The following FN1 variants were observed in gnomAD, a reference collection of about 807,000 sequenced individuals.
The protein encoded by FN1 is fibronectin 1, also known as fibronectin.
Under a neutral mutation model 297.3 loss-of-function variants are expected in FN1, and 106 were observed. The observed-to-expected ratio is 0.36, with a 90% confidence interval of 0.30 to 0.42. The LOEUF (loss-of-function observed/expected upper bound fraction) is 0.42, where lower values mean the gene tolerates loss of function less well. FN1 is among the 10% of genes least tolerant of loss of function. The pLI, the probability that FN1 is intolerant of heterozygous loss-of-function variation, is 1.00. For missense variants in FN1, 2,690 were observed against 3,124.9 expected, an observed-to-expected ratio of 0.86 and a Z score of 3.32; for synonymous variants, 1,149 against 1,152.6, an observed-to-expected ratio of 1.00 and a Z score of 0.06.
chr2:215,432,369 G>T (rs756751883), intron 3 of FN1, among the ~76,000 whole-genome samples: 1 of 152,198 alleles, frequency 6.6e-6, no homozygotes, highest in Non-Finnish European at 1.5e-5. Flanking sequence ...TGGAGAGCCT[G>T]TATTTTACCC....
Position 215,375,264 on chromosome 2 carries a change from C to G in FN1, c.6107G>C (p.Arg2036Thr), listed in dbSNP as rs1187772144. The part of the protein sequence containing the change: ...IKYEKPGSPP[R>T]EVVPRPRPGV... ...AGGGCGGGGCCGAGGGACCACTTCT[C>G]TGGGAGGAGACCCAGGCTTCTCATA... Residue 2036 changes from arginine to threonine, a missense_variant, in exon 38 of 46, where the codon AGA (arginine) becomes ACA (threonine). Coordinates refer to ENST00000354785, the MANE Select transcript of FN1 (RefSeq NM_212482.4). 6.2e-7 allele frequency: 1 copy of G among 1,614,182 alleles called. No individual in the cohort carries two copies. Among genetic ancestry groups the G allele is most frequent in the South Asian group, 1.1e-5 (1 of 91,078 alleles).
At chr2:215,409,782 A>G (rs777631695) in intron 14 of FN1, 43 bp from the exon 15 acceptor site, 30 of 1,610,714 alleles carry the variant, frequency 1.9e-5, no homozygotes, top group Non-Finnish European at 2.4e-5. Context: ...TCAGTCATCT[A>G]GAAAATTTAC....
chr2:215,371,073 T>G (rs572318282), intron 40 of FN1, among the ~76,000 whole-genome samples: 108 of 152,064 alleles, frequency 7.1e-4, no homozygotes, highest in Middle Eastern at 3.4e-3. Flanking sequence ...ATCGAGACCA[T>G]CCTGGCCAAC....
chr2:215,392,127 G>A (rs889686021), intron 25 of FN1: 25 of 332,450 alleles, frequency 7.5e-5, no homozygotes, highest in East Asian at 5.2e-4. Flanking sequence ...ATCCCAGGCC[G>A]AAGAGGCTTA....
intron 23 of FN1, among the ~76,000 whole-genome samples, 169 bp downstream of exon 23, chr2:215,396,968 C>T (rs951031164): frequency 2.6e-5 from 4 of 152,184 alleles, no homozygotes; most frequent in Admixed American, 2.0e-4. Context: ...TGCATTAAAG[C>T]ATCCTGCAGG....
At position 215,376,587 on chromosome 2, in the gene FN1, G is replaced by C; in HGVS notation, c.5798C>G (p.Thr1933Ser). 1.2e-6 allele frequency: 2 copies of C among 1,614,072 alleles called. No homozygotes were observed. Among genetic ancestry groups the C allele is most frequent in the Non-Finnish European group, 1.7e-6 (2 of 1,179,976 alleles). Reference protein sequence around the residue: ...ISWRTKTETITGFQVDAVPAN... With the variant: ...ISWRTKTETISGFQVDAVPAN... ...TGGAACGGCATCAACTTGGAAGCCA[G>C]TGATCGTCTCAGTCTTGGTTCTCCA... The change falls in exon 36 of 46, where the codon ACT becomes AGT. Residue 1933 changes from threonine (T) to serine (S), a missense_variant. By Grantham distance (58) the Thr-to-Ser change is moderately conservative (BLOSUM62 1). Transcript: ENST00000354785.
intron 29 of FN1, 58 bp downstream of exon 29, chr2:215,384,796 TTTCAGG>T (rs1217288459): frequency 4.4e-5 from 50 of 1,148,888 alleles, no homozygotes; most frequent in Non-Finnish European, 5.5e-5. Context: ...ACTGTTGGGC[TTTCAGG>T]TTATCCACAA....
In FN1 at chr2:215,384,314, C is replaced by T. The variant is rs2058620450; in HGVS notation, c.4730-130G>A. ...CTTGCTTATTCCCTTTTAAAGAGCG[C>T]TATCTTGAACAGAAAGGGGTATTTA... is the stretch of plus-strand genomic sequence containing the variant. On this transcript the variant is annotated intron_variant, in intron 29 of 45. Coordinates refer to ENST00000354785, the MANE Select transcript of FN1 (RefSeq NM_212482.4). 4 of 880,196 alleles carry T rather than the reference C, an allele frequency of 4.5e-6. No homozygotes were observed. The South Asian group carries it at 5.8e-5, about 13-fold the overall frequency. 54.5% of individuals were successfully genotyped at this position (880,196 alleles called of 1,614,324 possible).
chr2:215,419,503 T>A, intron 11 of FN1, 118 bp from the exon 12 acceptor site: 1 of 851,532 alleles, frequency 1.2e-6, no homozygotes, highest in Non-Finnish European at 2.0e-6. Flanking sequence ...TTCTTACAAA[T>A]ATATGCAGTT....
chr2:215,362,463 A>G (rs74716589), intron 44 of FN1: 13,145 of 272,542 alleles, frequency 0.048, 1,249 homozygotes, highest in African/African-American at 0.23. Context: ...ACATGAAGAA[A>G]CGTTCTCATT....
chr2:215,365,438 A>G, intron 43 of FN1, 67 bp downstream of exon 43: 1 of 1,509,976 alleles, frequency 6.6e-7, no homozygotes, highest in Non-Finnish European at 9.2e-7. Context: ...TGTGAATGAG[A>G]GTTACAGCCT....
intron 19 of FN1, among the ~76,000 whole-genome samples, chr2:215,405,359 G>A (rs2061641309): frequency 6.6e-6 from 1 of 152,170 alleles, no homozygotes; most frequent in Non-Finnish European, 1.5e-5. Flanking sequence ...AGGTTATAGA[G>A]CCAGCTCTAT....
At position 215,419,376 on chromosome 2, in the gene FN1, T is replaced by C; in HGVS notation, c.1685A>G (p.Gln562Arg). Reference protein sequence around the residue: ...RWKCDPVDQCQDSETGTFYQI... With the variant: ...RWKCDPVDQCRDSETGTFYQI... ...ATAAAACGTCCCAGTCTCTGAATCCTGGCATTGGTCTAAAATACATGGAAG... is the reference window on the plus strand; with the variant it reads ...ATAAAACGTCCCAGTCTCTGAATCCCGGCATTGGTCTAAAATACATGGAAG... The change falls in exon 12 of 46, where the codon CAG (glutamine) becomes CGG (arginine). Residue 562 changes from glutamine (Q) to arginine (R), a missense_variant. Gln to Arg is a conservative substitution (Grantham distance 43, BLOSUM62 1). This residue lies in a region of FN1 where 876 missense variants were observed against 1,058.1 expected (regional missense o/e 0.83). Transcript: ENST00000354785. 9 of 1,613,192 alleles carry C rather than the reference T, an allele frequency of 5.6e-6. No individual in the cohort carries two copies. In the South Asian group the frequency reaches 7.7e-5, roughly 14 times the overall value.
intron 41 of FN1, among the ~76,000 whole-genome samples, chr2:215,368,384 C>G (rs931171241): frequency 1.3e-5 from 2 of 152,174 alleles, no homozygotes; most frequent in Non-Finnish European, 2.9e-5. Context: ...CCATTGGTAC[C>G]TGAGTGACCT....
Position 215,397,760 on chromosome 2 carries a change from C to T in FN1, c.3437G>A (p.Gly1146Glu), listed in dbSNP as rs145963656. Residue 1146 changes from glycine to glutamate, a missense_variant, in exon 22 of 46, where the codon GGA (glycine) becomes GAA (glutamate). Transcript: ENST00000354785. ...GSIVVSGLTP[G>E]VEYVYTIQVL... ...TTGGATGGTGTAGACGTATTCTACTCCTGGAGTCAAGCCGGACACAACGAT... is the reference window on the plus strand; with the variant it reads ...TTGGATGGTGTAGACGTATTCTACTTCTGGAGTCAAGCCGGACACAACGAT... 4 of 1,613,928 alleles carry T rather than the reference C, an allele frequency of 2.5e-6. No homozygotes were observed. In the African/African-American group the frequency reaches 5.3e-5, roughly 22 times the overall value.
At chr2:215,398,771 A>G (rs987124038) in intron 21 of FN1, among the ~76,000 whole-genome samples, 1 of 152,188 alleles carries the variant, frequency 6.6e-6, no homozygotes, top group Non-Finnish European at 1.5e-5. Context: ...CCACAGGGAA[A>G]CCTTAATCTT....
intron 25 of FN1, 164 bp downstream of exon 25, chr2:215,392,767 T>A: frequency 1.4e-6 from 1 of 720,776 alleles, no homozygotes; most frequent in Non-Finnish European, 2.4e-6. Context: ...TTTTCTCCAA[T>A]CAGTTTAGCA....
chr2:215,418,995 A>AT (rs2063820723), intron 12 of FN1, among the ~76,000 whole-genome samples: 1 of 152,232 alleles, frequency 6.6e-6, no homozygotes, highest in Non-Finnish European at 1.5e-5. Context: ...CTAACAGAAT[A>AT]TTTTACAGAG....
intron 10 of FN1, 59 bp downstream of exon 10, chr2:215,422,032 A>C (rs1381842795): frequency 1.3e-6 from 2 of 1,543,796 alleles, no homozygotes; most frequent in East Asian, 4.5e-5. Context: ...TCATAAAAAA[A>C]AGTGTCCCTT....
Sources: allele counts gnomAD v4.1 joint callset (sites outside exome capture counted in the v4.1 genomes callset), GRCh38; gene constraint gnomAD v4.1.1; regional missense constraint gnomAD v4.1.1; transcripts MANE v1.5; gene names NCBI Gene and HGNC (gene_info 2026-07-23, HGNC 2026-07-21).